Variants in CLEC16A observed in about 807,000 individuals in gnomAD.
The protein encoded by CLEC16A is protein CLEC16A.
A neutral mutation model predicts 109.5 loss-of-function variants in CLEC16A; 51 were observed. The observed-to-expected ratio is 0.47, with a 90% CI of 0.37 to 0.59. The LOEUF (loss-of-function observed/expected upper bound fraction) is 0.59, where lower values mean the gene tolerates loss of function less well. Ranked by LOEUF, CLEC16A falls within the 20% of genes least tolerant of loss-of-function variation. The pLI is 0.00. For synonymous variants in CLEC16A, 673 were observed against 564.2 expected (o/e 1.19, Z -2.73); for missense variants, 1,339 against 1,394.0 (o/e 0.96, Z 0.63).
At chr16:11,142,580 C>T (rs2053887248) in intron 22 of CLEC16A, among the ~76,000 whole-genome samples, 1 of 152,226 alleles carries the variant, frequency 6.6e-6, no homozygotes, top group South Asian at 2.1e-4. Flanking sequence ...TGCAGTGGTA[C>T]ACACTGGTGC....
At chr16:11,110,593 G>C (rs1281424859) in intron 19 of CLEC16A, among the ~76,000 whole-genome samples, 2 of 152,232 alleles carry the variant, frequency 1.3e-5, no homozygotes, top group African/African-American at 4.8e-5. Context: ...CAACGAGAGA[G>C]TCATGGCTCC....
intron 22 of CLEC16A, 166 bp downstream of exon 22, chr16:11,126,312 C>G (rs545773447): frequency 4.6e-6 from 7 of 1,507,646 alleles, no homozygotes; most frequent in Admixed American, 4.6e-5. Flanking sequence ...AGATTAAACA[C>G]AGCCCCCAAA....
intron 19 of CLEC16A, among the ~76,000 whole-genome samples, chr16:11,119,711 C>G (rs1347792471): frequency 2.0e-5 from 3 of 152,072 alleles, no homozygotes; most frequent in Non-Finnish European, 4.4e-5. Flanking sequence ...TCTTTTTGCT[C>G]AGGTGTGCTC....
intron 19 of CLEC16A, 31 bp downstream of exon 19, chr16:11,061,053 G>T: frequency 1.3e-6 from 2 of 1,581,110 alleles, no homozygotes; most frequent in Non-Finnish European, 1.7e-6. Flanking sequence ...CACAGCAGGG[G>T]GCTGGGGGAC....
intron 18 of CLEC16A, among the ~76,000 whole-genome samples, chr16:11,059,468 C>T (rs2048370527): frequency 6.6e-6 from 1 of 152,190 alleles, no homozygotes; most frequent in African/African-American, 2.4e-5. Flanking sequence ...CAAGGTCTCC[C>T]ACTGGTTAGG....
intron 11 of CLEC16A, among the ~76,000 whole-genome samples, chr16:11,005,102 T>C (rs2044915950): frequency 6.6e-6 from 1 of 152,220 alleles, no homozygotes; most frequent in South Asian, 2.1e-4. Context: ...ATGCTACCTC[T>C]TTCATTCCAG....
chr16:10,972,084 A>C (rs1328371829), intron 5 of CLEC16A, among the ~76,000 whole-genome samples: 1 of 152,252 alleles, frequency 6.6e-6, no homozygotes, highest in East Asian at 1.9e-4. Flanking sequence ...CCTGTGGGCC[A>C]TATCCAGCCA....
intron 17 of CLEC16A, among the ~76,000 whole-genome samples, chr16:11,050,573 A>G (rs1200012681): frequency 6.6e-6 from 1 of 152,242 alleles, no homozygotes; most frequent in Non-Finnish European, 1.5e-5. Flanking sequence ...ACACGTGTGC[A>G]TTGATTACTA....
chr16:11,104,591 T>C (rs2051109330), intron 19 of CLEC16A, among the ~76,000 whole-genome samples: 1 of 152,134 alleles, frequency 6.6e-6, no homozygotes. Flanking sequence ...AGAGAAGATG[T>C]AGCCCCATCT....
At chr16:11,123,332 T>C (rs1456053213) in intron 20 of CLEC16A, among the ~76,000 whole-genome samples, 1 of 152,240 alleles carries the variant, frequency 6.6e-6, no homozygotes, top group Non-Finnish European at 1.5e-5. Flanking sequence ...TGAGCAACTA[T>C]ATCTGAGATC....
intron 11 of CLEC16A, among the ~76,000 whole-genome samples, chr16:11,017,839 A>AGC: frequency 6.6e-6 from 1 of 152,266 alleles, no homozygotes; most frequent in Non-Finnish European, 1.5e-5. Flanking sequence ...GGTCATCACA[A>AGC]GCAAGGACAG....
intron 13 of CLEC16A, among the ~76,000 whole-genome samples, chr16:11,033,142 G>A (rs975024570): frequency 2.2e-4 from 33 of 152,164 alleles, no homozygotes; most frequent in African/African-American, 7.5e-4. Context: ...GAGCCAGGAC[G>A]TGCTGATGGA....
chr16:10,989,267 C>T (rs997686385), intron 10 of CLEC16A, among the ~76,000 whole-genome samples: 1 of 152,052 alleles, frequency 6.6e-6, no homozygotes. Flanking sequence ...GTTGCCCAGT[C>T]TGGAGAGCAG....
In CLEC16A at chr16:10,961,392, A is replaced by G. The variant is rs2042242774; in HGVS notation, c.210-1063A>G. On this transcript the variant is annotated intron_variant, in intron 2 of 23. Transcript: ENST00000409790. The surrounding 1 kb of genome is among the most constrained non-coding windows in gnomAD (Gnocchi z 4.3). ...CACTGTGGAGATGCCAGACGAGGAC[A>G]GAGAGGCACCCACAACTGAGTCAGC... Among the ~76,000 whole-genome samples the G allele has an allele frequency of 6.6e-6, 1 of 152,220 alleles. No individual in the cohort carries two copies. The highest frequency in any genetic ancestry group is 2.4e-5 in the African/African-American group (1 of 41,450).
At chr16:10,982,842 C>A in intron 9 of CLEC16A, 36 bp from the exon 10 acceptor site, 1 of 1,276,462 alleles carries the variant, frequency 7.8e-7, no homozygotes, top group Non-Finnish European at 1.1e-6. Flanking sequence ...ATACCGCACA[C>A]TTTCATGCAA....
In CLEC16A at chr16:11,098,514, G is replaced by A. The variant is rs555848196; in HGVS notation, c.2117-22101G>A. Reference sequence around the variant, plus strand: ...AGCTGTGGCTTCCTAAGAGCTGAGCGTGAGGGCGTTAGTGTGGCCATCCAT... The same window carrying A: ...AGCTGTGGCTTCCTAAGAGCTGAGCATGAGGGCGTTAGTGTGGCCATCCAT... On this transcript the variant is annotated intron_variant, in intron 19 of 23. Coordinates refer to ENST00000409790, the MANE Select transcript of CLEC16A (RefSeq NM_015226.3). 5.9e-5 allele frequency among the ~76,000 whole-genome samples: 9 copies of A among 152,326 alleles called. No individual in the cohort carries two copies. The East Asian group carries it at 7.7e-4, about 13-fold the overall frequency.
intron 23 of CLEC16A, among the ~76,000 whole-genome samples, chr16:11,170,291 G>T: frequency 6.6e-6 from 1 of 152,178 alleles, no homozygotes; most frequent in East Asian, 1.9e-4. Flanking sequence ...AGGCTGGGTG[G>T]TGTGAACCCC....
At chr16:11,110,842 C>T (rs1223089418) in intron 19 of CLEC16A, among the ~76,000 whole-genome samples, 4 of 152,216 alleles carry the variant, frequency 2.6e-5, no homozygotes, top group Non-Finnish European at 4.4e-5. Flanking sequence ...ACTGGCAGAG[C>T]TGGGCTTTAA....
At chr16:11,025,970 A>G (rs2152815484) in intron 13 of CLEC16A, among the ~76,000 whole-genome samples, 1 of 152,316 alleles carries the variant, frequency 6.6e-6, no homozygotes, top group East Asian at 1.9e-4. Flanking sequence ...GTAAATGGAG[A>G]TACCCATATT....
Sources: gnomAD v4.1 joint callset for allele counts (sites outside exome capture counted in the v4.1 genomes callset) on GRCh38, gnomAD v4.1.1 for gene constraint, Gnocchi (gnomAD v3.1) non-coding constraint, MANE v1.5 for transcripts, NCBI Gene and HGNC (gene_info 2026-07-23, HGNC 2026-07-21) for gene names.